The following MAP1B variants were observed in gnomAD, a reference collection of about 807,000 sequenced individuals.
MAP1B encodes the protein microtubule associated protein 1B.
A neutral mutation model predicts 176.1 loss-of-function variants in MAP1B; 12 were observed. That is an observed-to-expected ratio of 0.07 (90% CI 0.04 to 0.11). The LOEUF (loss-of-function observed/expected upper bound fraction) is 0.11, where lower values mean the gene tolerates loss of function less well. Among genes scored for constraint, MAP1B ranks in the 10% least tolerant of loss-of-function variants. The probability of loss-of-function intolerance (pLI) is 1.00; values close to 1 mark genes in which losing one functional copy is unlikely to be tolerated. For missense variants in MAP1B, 2,523 were observed against 2,990.5 expected (o/e 0.84, Z 3.65); for synonymous variants, 1,044 against 1,135.0 (o/e 0.92, Z 1.61).
intron 2 of MAP1B, among the ~76,000 whole-genome samples, chr5:72,122,281 C>T (rs192630874): frequency 1.8e-4 from 28 of 152,186 alleles, no homozygotes; most frequent in Admixed American, 9.8e-4. Context: ...ATGCTGTCCG[C>T]TCTCACCCCA....
intron 2 of MAP1B, among the ~76,000 whole-genome samples, chr5:72,125,854 A>G (rs1745619563): frequency 6.7e-6 from 1 of 150,238 alleles, no homozygotes; most frequent in African/African-American, 2.5e-5. Context: ...CATTAATTCA[A>G]TGATGAAGAG....
rs139678875 is a variant in MAP1B at position 72,130,680 on chromosome 5, A to G, written c.286+14881A>G. Among the ~76,000 whole-genome samples, 72 of 152,322 alleles carry G rather than the reference A, an allele frequency of 4.7e-4. 1 individual carries two copies. The highest frequency in any genetic ancestry group is 1.5e-3 in the African/African-American group (63 of 41,564). On this transcript the variant is annotated intron_variant, in intron 2 of 6. Coordinates refer to ENST00000296755, the MANE Select transcript of MAP1B (RefSeq NM_005909.5). ...CCAGTGTCTTGAACTCCATGGACAG[A>G]GCACTTAAGGAATGGAACCGGGGGC...
At chr5:72,133,047 A>G (rs1345486004) in intron 2 of MAP1B, among the ~76,000 whole-genome samples, 1 of 151,922 alleles carries the variant, frequency 6.6e-6, no homozygotes, top group African/African-American at 2.4e-5. Context: ...CAGGTGTATA[A>G]CCTCCACCCT....
At chr5:72,179,018 G>A (rs923567050) in intron 2 of MAP1B, among the ~76,000 whole-genome samples, 4 of 152,046 alleles carry the variant, frequency 2.6e-5, no homozygotes, top group Non-Finnish European at 5.9e-5. Flanking sequence ...ACCCAGCTTT[G>A]GGAGAGCACA....
At position 72,199,952 on chromosome 5, in the gene MAP1B, C is replaced by T; in HGVS notation, c.6597C>T (p.Asp2199=). ...AAACTGTCACGTACAAACACATGGA[C>T]CCACCTCCAGCTCCCGTGCAAGACC... The part of the protein sequence containing the change: ...TDKTVTYKHM[D]PPPAPVQDRS... Residue 2199 remains aspartate (D), a synonymous_variant, in exon 5 of 7, where the codon GAC becomes GAT. Transcript: ENST00000296755. This position sits in a 1 kb window ranked among gnomAD's most constrained non-coding sequence, Gnocchi z 4.2. 6.2e-7 allele frequency: 1 copy of T among 1,614,186 alleles called. No homozygotes were observed. The highest frequency in any genetic ancestry group is 2.2e-5 in the East Asian group (1 of 44,884).
intron 2 of MAP1B, among the ~76,000 whole-genome samples, chr5:72,172,620 T>G (rs1372546505): frequency 2.0e-5 from 3 of 152,354 alleles, no homozygotes; most frequent in South Asian, 2.1e-4. Context: ...AAATATCAGA[T>G]AAACCTGTCA....
At chr5:72,193,269 A>C (rs889342291) in intron 4 of MAP1B, 3 of 422,180 alleles carry the variant, frequency 7.1e-6, no homozygotes, top group Non-Finnish European at 1.4e-5. Context: ...TTTCTTTTTT[A>C]CATGCCAGAT....
At chr5:72,175,146 C>T (rs1326212261) in intron 2 of MAP1B, among the ~76,000 whole-genome samples, 1 of 149,644 alleles carries the variant, frequency 6.7e-6, no homozygotes, top group East Asian at 2.0e-4. Flanking sequence ...CTCACTACAG[C>T]CTCAACCTCC....
chr5:72,120,138 A>G (rs1023854599), intron 2 of MAP1B, among the ~76,000 whole-genome samples: 1 of 152,240 alleles, frequency 6.6e-6, no homozygotes, highest in African/African-American at 2.4e-5. Flanking sequence ...AATAAAAACT[A>G]TTCTCAGGAC....
Position 72,154,605 on chromosome 5 carries a change from AC to A in MAP1B, c.287-29137del, listed in dbSNP as rs200775879. 7.5e-3 allele frequency among the ~76,000 whole-genome samples: 1,135 copies of A among 152,278 alleles called. 17 individuals carry two copies. Among genetic ancestry groups the A allele is most frequent in the African/African-American group, 0.026 (1,076 of 41,566 alleles). On this transcript the variant is annotated intron_variant, in intron 2 of 6. Coordinates refer to ENST00000296755, the MANE Select transcript of MAP1B (RefSeq NM_005909.5). ...TGCCAACCAGAGTTTTCCTGAATAA[AC>A]AAACACAGGTCCCCTACCAGATGGA...
intron 2 of MAP1B, among the ~76,000 whole-genome samples, chr5:72,155,244 A>C (rs571382587): frequency 6.6e-6 from 1 of 152,358 alleles, no homozygotes; most frequent in African/African-American, 2.4e-5. Context: ...AGTACTGTAT[A>C]GCAAAGAGCT....
chr5:72,197,076 G>C lies in MAP1B; in HGVS notation c.3721G>C (p.Asp1241His), dbSNP rs752661585. The change falls in exon 5 of 7, where the codon GAT becomes CAT. Residue 1241 changes from aspartate (D) to histidine (H), a missense_variant. Physicochemically the swap from Asp to His is moderately conservative, Grantham distance 81. Around this residue, in one of 4 missense-constraint regions of MAP1B, gnomAD observed 1,925 missense variants for 2,126.0 expected, o/e 0.91. Transcript: ENST00000296755. ...VKASTTLDIKDSISAVSSEKV... is the reference protein window; with the variant it reads ...VKASTTLDIKHSISAVSSEKV... ...AGCCAGCACCACTTTGGACATCAAA[G>C]ATAGCATCTCAGCTGTTTCAAGTGA... 1 of 1,614,226 alleles carries C rather than the reference G, an allele frequency of 6.2e-7. No homozygotes were observed. Among genetic ancestry groups the C allele is most frequent in the Non-Finnish European group, 8.5e-7 (1 of 1,180,036 alleles).
Position 72,183,884 on chromosome 5 carries a change from G to A in MAP1B, c.369+59G>A, listed in dbSNP as rs1484660867. The stretch of plus-strand genomic sequence containing the variant: ...GCCCCACACACTGGATAGGGACCCA[G>A]TGGATTAGAAGGGCTGGGCAAATGG... On this transcript the variant is annotated intron_variant, in intron 3 of 6. Coordinates refer to ENST00000296755, the MANE Select transcript of MAP1B (RefSeq NM_005909.5). The A allele has an allele frequency of 8.1e-6, 12 of 1,476,332 alleles. No homozygotes were observed. In the Admixed American group the frequency reaches 2.0e-4, roughly 25 times the overall value. The allele number at this position is 1,476,332 out of a possible 1,614,324, so 91.5% of individuals were successfully genotyped here.
At chr5:72,185,103 A>G (rs1746865290) in intron 3 of MAP1B, among the ~76,000 whole-genome samples, 1 of 152,206 alleles carries the variant, frequency 6.6e-6, no homozygotes, top group Non-Finnish European at 1.5e-5. Context: ...AACAGTTTCA[A>G]GGTTCATCCA....
rs1203144824 is a variant in MAP1B at position 72,197,184 on chromosome 5, G to A, written c.3829G>A (p.Val1277Met). ...LEKTPLGERS[V>M]NFSLTPNEIK... ...AAAGACCCCCCTGGGTGAACGTAGT[G>A]TGAACTTCTCTCTGACGCCCAATGA... The change falls in exon 5 of 7, where the codon GTG (valine) becomes ATG (methionine). Residue 1277 changes from valine (V) to methionine (M), a missense_variant. Val to Met is a conservative substitution (Grantham distance 21). This residue lies in a region of MAP1B where 1,925 missense variants were observed against 2,126.0 expected (regional missense o/e 0.91). Coordinates refer to ENST00000296755, the MANE Select transcript of MAP1B (RefSeq NM_005909.5). 1 of 1,614,236 alleles carries A rather than the reference G, an allele frequency of 6.2e-7. No individual in the cohort carries two copies. Among genetic ancestry groups the A allele is most frequent in the Admixed American group, 1.7e-5 (1 of 60,028 alleles).
At chr5:72,123,357 G>A (rs892226148) in intron 2 of MAP1B, among the ~76,000 whole-genome samples, 1 of 152,166 alleles carries the variant, frequency 6.6e-6, no homozygotes, top group African/African-American at 2.4e-5. Context: ...AGGCTGGAGT[G>A]CAGTGGTGCA....
At chr5:72,190,201 T>A (rs187927913) in intron 4 of MAP1B, among the ~76,000 whole-genome samples, 1 of 152,334 alleles carries the variant, frequency 6.6e-6, no homozygotes, top group Non-Finnish European at 1.5e-5. Flanking sequence ...CCATACACCA[T>A]TAATGGTCAA....
intron 3 of MAP1B, among the ~76,000 whole-genome samples, chr5:72,184,658 A>G (rs933979815): frequency 2.6e-5 from 4 of 151,934 alleles, no homozygotes; most frequent in African/African-American, 9.7e-5. Context: ...AGTTGCTATC[A>G]CTCCACTTTC....
intron 2 of MAP1B, among the ~76,000 whole-genome samples, chr5:72,157,829 T>C (rs1028932327): frequency 6.6e-6 from 1 of 152,130 alleles, no homozygotes; most frequent in Non-Finnish European, 1.5e-5. Flanking sequence ...GCCTTGCACA[T>C]AGAAAGCAGT....
Sources: gnomAD v4.1 joint callset for allele counts (sites outside exome capture counted in the v4.1 genomes callset) on GRCh38, gnomAD v4.1.1 for gene constraint, gnomAD v4.1.1 regional missense constraint, Gnocchi (gnomAD v3.1) non-coding constraint, MANE v1.5 for transcripts, NCBI Gene and HGNC (gene_info 2026-07-23, HGNC 2026-07-21) for gene names.